Variants in TMEM38B observed in about 807,000 individuals in gnomAD.
TMEM38B encodes the protein transmembrane protein 38B.
Under a neutral mutation model 28.7 loss-of-function variants are expected in TMEM38B, and 24 were observed. That is an observed-to-expected ratio of 0.84 (90% CI 0.61 to 1.18). The LOEUF (loss-of-function observed/expected upper bound fraction) is 1.18, where lower values mean the gene tolerates loss of function less well. Ranked by LOEUF, TMEM38B falls within the 50% of genes most tolerant of loss-of-function variation. The pLI is 0.00. For missense variants in TMEM38B, 380 were observed against 350.9 expected (o/e 1.08, Z -0.66); for synonymous variants, 131 against 127.7 (o/e 1.03, Z -0.17).
chr9:105,700,999 C>A (rs1393799573), intron 1 of TMEM38B: 1 of 152,004 alleles, frequency 6.6e-6, no homozygotes, highest in Non-Finnish European at 1.5e-5. Flanking sequence ...GTTTCCTCCA[C>A]AGGGGTCTCA....
intron 2 of TMEM38B, among the ~76,000 whole-genome samples, chr9:105,712,906 C>T (rs189227696): frequency 4.6e-5 from 7 of 152,284 alleles, no homozygotes; most frequent in Admixed American, 3.9e-4. Context: ...CAGGTCGCCC[C>T]TGAGCTTTGG....
chr9:105,761,865 A>G (rs1444924433), intron 5 of TMEM38B, among the ~76,000 whole-genome samples: 1 of 152,180 alleles, frequency 6.6e-6, no homozygotes, highest in Admixed American at 6.5e-5. Context: ...AATGCTTTTT[A>G]TAAACATTTT....
chr9:105,748,087 C>T lies in TMEM38B; in HGVS notation c.557C>T (p.Thr186Ile). ...TTTATTTTCAGCCCTGCCAAGGTAA[C>T]CCTGCTGGGGTCAGTTATCTTCACA... ...WLKMSYPAKV[T>I]LLGSVIFTFQ... The change falls in exon 5 of 6, where the codon ACC becomes ATC. Residue 186 changes from threonine to isoleucine, a missense_variant. By Grantham distance (89) the Thr-to-Ile change is moderately conservative. Coordinates refer to ENST00000374692, the MANE Select transcript of TMEM38B (RefSeq NM_018112.3). 6.2e-7 allele frequency: 1 copy of T among 1,612,710 alleles called. No homozygotes were observed.
In TMEM38B at chr9:105,759,438, A is replaced by G. The variant is rs531758153; in HGVS notation, c.660+11248A>G. 2.4e-5 allele frequency: 37 copies of G among 1,560,504 alleles called. No homozygotes were observed. In the African/African-American group the frequency reaches 4.9e-4, roughly 21 times the overall value. On this transcript the variant is annotated intron_variant, in intron 5 of 5. Transcript: ENST00000374692. ...TAAGCAATCCAGGATTTCAAGAAAG[A>G]TGTGCTAAGAAAATGCAGCTAGTTA...
chr9:105,705,901 G>T, intron 2 of TMEM38B, 148 bp downstream of exon 2: 2 of 746,350 alleles, frequency 2.7e-6, no homozygotes. Context: ...AATGCTAAGG[G>T]GTTTTTTTTT....
intron 5 of TMEM38B, chr9:105,760,744 C>G (rs1175289031): frequency 5.2e-6 from 6 of 1,158,906 alleles, no homozygotes; most frequent in Non-Finnish European, 7.5e-6. Context: ...GTTTTGTAGT[C>G]TAAGATACTA....
chr9:105,760,186 A>T, intron 5 of TMEM38B: 3 of 915,564 alleles, frequency 3.3e-6, no homozygotes, highest in Non-Finnish European at 5.5e-6. Context: ...AATGCGTATG[A>T]TTTCCCAAAT....
chr9:105,707,742 T>C (rs565548548), intron 2 of TMEM38B, among the ~76,000 whole-genome samples: 20 of 152,324 alleles, frequency 1.3e-4, no homozygotes, highest in Non-Finnish European at 1.6e-4. Flanking sequence ...GCTATAACTT[T>C]CTTGTCTAGT....
intron 5 of TMEM38B, among the ~76,000 whole-genome samples, chr9:105,768,288 T>G (rs1232491493): frequency 6.6e-6 from 1 of 152,162 alleles, no homozygotes; most frequent in Non-Finnish European, 1.5e-5. Flanking sequence ...CCCCATTTAG[T>G]CATGATGCGG....
At chr9:105,718,110 G>C (rs1330534303) in intron 2 of TMEM38B, among the ~76,000 whole-genome samples, 1 of 152,112 alleles carries the variant, frequency 6.6e-6, no homozygotes, top group Non-Finnish European at 1.5e-5. Context: ...CTGGAAACAG[G>C]AATGTTACCT....
At chr9:105,719,556 G>C (rs551707877) in intron 2 of TMEM38B, among the ~76,000 whole-genome samples, 1 of 152,102 alleles carries the variant, frequency 6.6e-6, no homozygotes, top group Admixed American at 6.6e-5. Flanking sequence ...ATAAACAATT[G>C]TTCTTTTGCC....
chr9:105,769,253 T>G (rs1826468991), intron 5 of TMEM38B, among the ~76,000 whole-genome samples: 1 of 152,214 alleles, frequency 6.6e-6, no homozygotes, highest in Non-Finnish European at 1.5e-5. Flanking sequence ...TGAGAAACAT[T>G]AATTAAAATA....
chr9:105,708,805 T>C (rs530434617), intron 2 of TMEM38B, among the ~76,000 whole-genome samples: 3 of 152,058 alleles, frequency 2.0e-5, no homozygotes, highest in African/African-American at 4.8e-5. Context: ...ACATCATCCT[T>C]CTTTATTTTT....
At chr9:105,756,860 T>G (rs1027277847) in intron 5 of TMEM38B, among the ~76,000 whole-genome samples, 3 of 152,228 alleles carry the variant, frequency 2.0e-5, no homozygotes, top group African/African-American at 7.2e-5. Flanking sequence ...CCCATTTAGA[T>G]TTTACTGATA....
At chr9:105,700,054 G>A (rs3794486) in intron 1 of TMEM38B, among the ~76,000 whole-genome samples, 61,595 of 151,968 alleles carry the variant, frequency 0.41, 13,901 homozygotes, top group African/African-American at 0.6. Context: ...ACCATTTTGT[G>A]TAAGACTTCC....
At chr9:105,699,733 T>A (rs1238903632) in intron 1 of TMEM38B, among the ~76,000 whole-genome samples, 1 of 152,024 alleles carries the variant, frequency 6.6e-6, no homozygotes, top group Non-Finnish European at 1.5e-5. Flanking sequence ...GATTAATTTT[T>A]TCTTTGTTTA....
chr9:105,705,095 T>A (rs1414934320), intron 1 of TMEM38B, among the ~76,000 whole-genome samples: 4 of 152,248 alleles, frequency 2.6e-5, no homozygotes, highest in Non-Finnish European at 4.4e-5. Flanking sequence ...GTTGAGGTAG[T>A]ATAAATATCT....
At chr9:105,760,338 C>A (rs1017363405) in intron 5 of TMEM38B, 2 of 772,336 alleles carry the variant, frequency 2.6e-6, no homozygotes, top group African/African-American at 3.4e-5. Flanking sequence ...TAGTTTCTTT[C>A]TTACTGGATC....
intron 5 of TMEM38B, among the ~76,000 whole-genome samples, chr9:105,753,907 T>G (rs1160591622): frequency 6.6e-6 from 1 of 152,124 alleles, no homozygotes; most frequent in Non-Finnish European, 1.5e-5. Context: ...CAGTATTCTG[T>G]CTTCAAGAAA....
Sources: gnomAD v4.1 joint callset for allele counts (sites outside exome capture counted in the v4.1 genomes callset) on GRCh38, gnomAD v4.1.1 for gene constraint, MANE v1.5 for transcripts, NCBI Gene and HGNC (gene_info 2026-07-23, HGNC 2026-07-21) for gene names.